Variants in NFIX observed in about 807,000 individuals in gnomAD.
NFIX encodes the protein nuclear factor I X.
In NFIX, 2 loss-of-function variants were observed where a neutral mutation model predicts 53.3. The ratio of observed to expected loss-of-function variants is 0.04; its 90% CI spans 0.02 to 0.12. The LOEUF is 0.12. Ranked by LOEUF, NFIX falls within the 10% of genes least tolerant of loss-of-function variation. The probability of loss-of-function intolerance (pLI) is 1.00; values close to 1 mark genes in which losing one functional copy is unlikely to be tolerated. For synonymous variants in NFIX, 244 were observed against 289.0 expected (o/e 0.84, Z 1.58); for missense variants, 310 against 674.5 (o/e 0.46, Z 5.99).
At chr19:13,092,138 C>T (rs1295291377) in intron 10 of NFIX, among the ~76,000 whole-genome samples, 1 of 151,966 alleles carries the variant, frequency 6.6e-6, no homozygotes, top group Non-Finnish European at 1.5e-5. Flanking sequence ...GGGGTACAGC[C>T]GGGGGTGGTT....
Position 13,072,914 on chromosome 19 carries a change from G to A in NFIX, c.560-133G>A. The stretch of plus-strand genomic sequence containing the variant: ...GCCTCCTGGGGCTGGTTTGGGGAGA[G>A]GGTGGGGTGAAGGTTTCTGTAGCCA... On this transcript the variant is annotated intron_variant, in intron 2 of 10. Coordinates refer to ENST00000592199, the MANE Select transcript of NFIX (RefSeq NM_001365902.3). This position sits in a 1 kb window ranked among gnomAD's most constrained non-coding sequence, Gnocchi z 4.0. 1 of 848,918 alleles carries A rather than the reference G, an allele frequency of 1.2e-6. No individual in the cohort carries two copies. The highest frequency in any genetic ancestry group is 1.4e-5 in the South Asian group (1 of 73,276). 52.6% of individuals were successfully genotyped at this position (848,918 alleles called of 1,614,324 possible).
Position 13,073,237 on chromosome 19 carries a change from T to A in NFIX, c.622+128T>A. 1 of 1,052,676 alleles carries A rather than the reference T, an allele frequency of 9.5e-7. No homozygotes were observed. Among genetic ancestry groups the A allele is most frequent in the Non-Finnish European group, 1.5e-6 (1 of 672,814 alleles). The allele number at this position is 1,052,676 out of a possible 1,614,324, so 65.2% of individuals were successfully genotyped here. A position where few individuals can be genotyped will look rare whatever the true frequency, so the allele number is the denominator to read the frequency against. On this transcript the variant is annotated intron_variant, in intron 3 of 10. Transcript: ENST00000592199. The surrounding 1 kb of genome is among the most constrained non-coding windows in gnomAD (Gnocchi z 4.5). Reference sequence around the variant, plus strand: ...CAGCTGTCCCTTGACTGAGCTTAGCTTGCTGTCCTGAGGGGATGGGGGCAC... The same window carrying A: ...CAGCTGTCCCTTGACTGAGCTTAGCATGCTGTCCTGAGGGGATGGGGGCAC...
chr19:13,032,830 C>T (rs1037994067), intron 2 of NFIX, among the ~76,000 whole-genome samples: 5 of 152,152 alleles, frequency 3.3e-5, no homozygotes, highest in African/African-American at 2.4e-5. Flanking sequence ...AAGAGACACC[C>T]AAACCAGTGC....
Position 13,097,965 on chromosome 19 carries a change from GCACA to G in NFIX, c.*3318_*3321del. 1 of 154,258 alleles carries G rather than the reference GCACA, an allele frequency of 6.5e-6. No homozygotes were observed. Among genetic ancestry groups the G allele is most frequent in the Non-Finnish European group, 1.4e-5 (1 of 69,710 alleles). 9.6% of individuals were successfully genotyped at this position (154,258 alleles called of 1,614,324 possible). The stretch of plus-strand genomic sequence containing the variant: ...CAGGCCCGCGCCCGCACGCACGCAC[GCACA>G]CGGCCCCGCACACAGCCCCGCCCCA... On this transcript the variant is annotated 3_prime_UTR_variant, in exon 11 of 11. Transcript: ENST00000592199.
chr19:13,078,732 C>A lies in NFIX; in HGVS notation c.1075C>A (p.Pro359Thr). The A allele has an allele frequency of 6.2e-7, 1 of 1,600,474 alleles. No homozygotes were observed. The highest frequency in any genetic ancestry group is 1.1e-5 in the South Asian group (1 of 88,232). Residue 359 changes from proline (P) to threonine (T), a missense_variant, in exon 7 of 11, where the codon CCA (proline) becomes ACA (threonine). Transcript: ENST00000592199. This position sits in a 1 kb window ranked among gnomAD's most constrained non-coding sequence, Gnocchi z 4.7. ...HPLPVLAGVR[P>T]GSPRATASAL... The stretch of plus-strand genomic sequence containing the variant: ...GCTGCCTGTGCTTGCTGGAGTCAGA[C>A]CAGGTGAGAAATGGGGGGCCCCGGA...
At position 13,073,569 on chromosome 19, in the gene NFIX, C is replaced by T. The variant is rs959934789; in HGVS notation, c.697+73C>T. 1.5e-5 allele frequency: 20 copies of T among 1,344,924 alleles called. No individual in the cohort carries two copies. The highest frequency in any genetic ancestry group is 5.8e-5 in the African/African-American group (4 of 69,424). 83.3% of individuals were successfully genotyped at this position (1,344,924 alleles called of 1,614,324 possible). A position where few individuals can be genotyped will look rare whatever the true frequency, so the allele number is the denominator to read the frequency against. On this transcript the variant is annotated intron_variant, in intron 4 of 10. Coordinates refer to ENST00000592199, the MANE Select transcript of NFIX (RefSeq NM_001365902.3). This position sits in a 1 kb window ranked among gnomAD's most constrained non-coding sequence, Gnocchi z 4.5. ...GAGGTGGGACCTCATGGGATGTCCT[C>T]CTAATGGGGTCTTAGGGCAGGTGGA...
chr19:13,076,300 G>T (rs1220582221), intron 6 of NFIX, among the ~76,000 whole-genome samples: 22 of 152,180 alleles, frequency 1.4e-4, no homozygotes, highest in Non-Finnish European at 1.5e-5. Context: ...AGGGAAGCTA[G>T]CGAAGGGGAG....
chr19:13,058,264 C>T (rs1049620917), intron 2 of NFIX, among the ~76,000 whole-genome samples: 1 of 152,124 alleles, frequency 6.6e-6, no homozygotes, highest in Admixed American at 6.5e-5. Flanking sequence ...AAGCCCTCAC[C>T]TCTCCTGTAG....
At chr19:13,031,477 G>A (rs780517128) in intron 2 of NFIX, among the ~76,000 whole-genome samples, 5 of 152,136 alleles carry the variant, frequency 3.3e-5, no homozygotes, top group African/African-American at 4.8e-5. Context: ...ACTTTTTGGC[G>A]CTTCCAAAGC....
chr19:13,073,138 C>G lies in NFIX; in HGVS notation c.622+29C>G, dbSNP rs779713778. 4 of 1,611,306 alleles carry G rather than the reference C, an allele frequency of 2.5e-6. No individual in the cohort carries two copies. The highest frequency in any genetic ancestry group is 4.5e-5 in the East Asian group (2 of 44,874). ...AGTGCCCCCCACCTGCCCAGCTGCC[C>G]TTATCCTTCATGCCCCTCCACTTCC... On this transcript the variant is annotated intron_variant, in intron 3 of 10. Coordinates refer to ENST00000592199, the MANE Select transcript of NFIX (RefSeq NM_001365902.3). The surrounding 1 kb of genome is among the most constrained non-coding windows in gnomAD (Gnocchi z 4.5).
rs2014476456 is a variant in NFIX, at chr19:13,039,669, A to C, written c.559+14117A>C. On this transcript the variant is annotated intron_variant, in intron 2 of 10. Coordinates refer to ENST00000592199, the MANE Select transcript of NFIX (RefSeq NM_001365902.3). ...CTGGGCGAGGCCCCGTTTCTATGCA[A>C]GTTGGCCCTGGGCTCAGCTGGGGGC... Among the ~76,000 whole-genome samples the C allele has an allele frequency of 2.6e-5, 4 of 152,166 alleles. No individual in the cohort carries two copies. The South Asian group carries it at 8.3e-4, about 32-fold the overall frequency.
rs549422208 is a variant in NFIX, at chr19:13,001,224, C to T, written c.27+5360C>T. ...CTCCCAGATCGGTGTGCATGTTAATCGGCATGTCAGGCCTCAGAGCCACCA... is the reference window on the plus strand; with the variant it reads ...CTCCCAGATCGGTGTGCATGTTAATTGGCATGTCAGGCCTCAGAGCCACCA... On this transcript the variant is annotated intron_variant, in intron 1 of 10. Transcript: ENST00000592199. The surrounding 1 kb of genome is among the most constrained non-coding windows in gnomAD (Gnocchi z 6.5). Among the ~76,000 whole-genome samples the T allele has an allele frequency of 5.2e-3, 785 of 152,294 alleles. 1 individual carries two copies. The highest frequency in any genetic ancestry group is 0.034 in the Middle Eastern group (10 of 294).
chr19:13,056,735 ATTT>A (rs1234108442), intron 2 of NFIX, among the ~76,000 whole-genome samples: 1 of 152,208 alleles, frequency 6.6e-6, no homozygotes, highest in Non-Finnish European at 1.5e-5. Context: ...CAGCTGCAGA[ATTT>A]GTGGGGCCCA....
In NFIX at chr19:13,036,985, G is replaced by A. The variant is rs1318587472; in HGVS notation, c.559+11433G>A. Among the ~76,000 whole-genome samples, 1 of 152,176 alleles carries A rather than the reference G, an allele frequency of 6.6e-6. No individual in the cohort carries two copies. Among genetic ancestry groups the A allele is most frequent in the African/African-American group, 2.4e-5 (1 of 41,438 alleles). ...GGCCTTTAAAGGGAGGAGGCAAATG[G>A]ATAGGAAGCTTGAGTTGGGGGTGGG... On this transcript the variant is annotated intron_variant, in intron 2 of 10. Transcript: ENST00000592199. This position sits in a 1 kb window ranked among gnomAD's most constrained non-coding sequence, Gnocchi z 4.7.
At chr19:13,000,145 T>A (rs58788664) in intron 1 of NFIX, among the ~76,000 whole-genome samples, 15,594 of 152,134 alleles carry the variant, frequency 0.1, 1,709 homozygotes, top group African/African-American at 0.28. Context: ...CAGACAGAAA[T>A]GGGTTCGAGC....
rs1323354977 is a variant in NFIX at position 13,068,140 on chromosome 19, C to T, written c.560-4907C>T. On this transcript the variant is annotated intron_variant, in intron 2 of 10. Coordinates refer to ENST00000592199, the MANE Select transcript of NFIX (RefSeq NM_001365902.3). The surrounding 1 kb of genome is among the most constrained non-coding windows in gnomAD (Gnocchi z 4.2). ...CAAAAACAAAAACAAAAAACAAAAA[C>T]ATGCTGTCAGTTGGAGTTTATGTGC... 1.3e-5 allele frequency among the ~76,000 whole-genome samples: 2 copies of T among 152,012 alleles called. No individual in the cohort carries two copies. Among genetic ancestry groups the T allele is most frequent in the Non-Finnish European group, 2.9e-5 (2 of 67,970 alleles).
chr19:13,075,662 G>A lies in NFIX; in HGVS notation c.946G>A (p.Val316Met). ...SSQSSGWPND[V>M]DAGPASLKKS... Reference sequence around the variant, plus strand: ...CCAGTCCAGCGGGTGGCCCAACGATGTGGATGCAGGTATGGGTGCGGGGGA... The same window carrying A: ...CCAGTCCAGCGGGTGGCCCAACGATATGGATGCAGGTATGGGTGCGGGGGA... The change falls in exon 6 of 11, where the codon GTG (valine) becomes ATG (methionine). Residue 316 changes from valine (V) to methionine (M), a missense_variant. Transcript: ENST00000592199. 2.5e-6 allele frequency: 4 copies of A among 1,613,598 alleles called. No individual in the cohort carries two copies. Among genetic ancestry groups the A allele is most frequent in the Non-Finnish European group, 3.4e-6 (4 of 1,179,734 alleles).
intron 7 of NFIX, among the ~76,000 whole-genome samples, chr19:13,080,271 T>G (rs1402495991): frequency 1.3e-5 from 2 of 152,248 alleles, no homozygotes; most frequent in Admixed American, 1.3e-4. Context: ...TTTCTTTTTC[T>G]TTTTTCAAAG....
In NFIX at chr19:12,997,628, C is replaced by T. The variant is rs535504660; in HGVS notation, c.27+1764C>T. 2.6e-5 allele frequency among the ~76,000 whole-genome samples: 4 copies of T among 152,316 alleles called. No homozygotes were observed. The East Asian group carries it at 5.8e-4, about 22-fold the overall frequency. ...TGGGCTGTGTGGCCGATGTTTGGGG[C>T]CTAGTGGAACCAAGACCCCACGCTC... is the stretch of plus-strand genomic sequence containing the variant. On this transcript the variant is annotated intron_variant, in intron 1 of 10. Transcript: ENST00000592199.
Sources: allele counts gnomAD v4.1 joint callset (sites outside exome capture counted in the v4.1 genomes callset), GRCh38; gene constraint gnomAD v4.1.1; non-coding constraint Gnocchi (gnomAD v3.1); transcripts MANE v1.5; gene names NCBI Gene and HGNC (gene_info 2026-07-23, HGNC 2026-07-21).